C12orf54: variants seen among roughly 807,000 people sequenced by gnomAD.
The protein encoded by C12orf54 is chromosome 12 open reading frame 54, also known as uncharacterized protein C12orf54.
A neutral mutation model predicts 26.4 loss-of-function variants in C12orf54; 24 were observed. That is an observed-to-expected ratio of 0.91 (90% confidence interval 0.66 to 1.28). The LOEUF (loss-of-function observed/expected upper bound fraction) is 1.28, where lower values mean the gene tolerates loss of function less well. C12orf54 is among the 50% of genes most tolerant of loss of function. The probability of loss-of-function intolerance (pLI) is 0.00; values close to 1 mark genes in which losing one functional copy is unlikely to be tolerated. For synonymous variants in C12orf54, 54 were observed against 47.0 expected, an observed-to-expected ratio of 1.15 and a Z score of -0.61; for missense variants, 154 against 150.9, an observed-to-expected ratio of 1.02 and a Z score of -0.11.
At chr12:48,424,388 G>A in the C12orf54 span, among the ~76,000 whole-genome samples, 2 of 151,992 alleles carry the variant, frequency 1.3e-5, no homozygotes, top group Non-Finnish European at 2.9e-5. Context: ...TCTATGTTTT[G>A]GAAAATTTGG....
chr12:48,474,657 C>T, the C12orf54 span, among the ~76,000 whole-genome samples: 9 of 152,336 alleles, frequency 5.9e-5, no homozygotes, highest in South Asian at 2.1e-4. Context: ...CACAGCAGTC[C>T]GAGATCAAAC....
the C12orf54 span, among the ~76,000 whole-genome samples, chr12:48,428,534 T>G: frequency 4.6e-5 from 7 of 152,084 alleles, no homozygotes; most frequent in African/African-American, 1.7e-4. Flanking sequence ...AAGGCTACTA[T>G]GAACAACTTT....
the C12orf54 span, chr12:48,473,261 AGAG>A: frequency 3.7e-6 from 4 of 1,083,040 alleles, no homozygotes; most frequent in Middle Eastern, 2.0e-4. Context: ...AGGAACGTGA[AGAG>A]GAGGACGTGA....
At chr12:48,420,378 T>G in the C12orf54 span, among the ~76,000 whole-genome samples, 1 of 152,240 alleles carries the variant, frequency 6.6e-6, no homozygotes, top group Non-Finnish European at 1.5e-5. Context: ...GACAGGTTTC[T>G]TCCTGAATAT....
chr12:48,460,880 G>A, the C12orf54 span, among the ~76,000 whole-genome samples: 1 of 151,940 alleles, frequency 6.6e-6, no homozygotes, highest in Non-Finnish European at 1.5e-5. Context: ...AGGGAACAAA[G>A]AATAGCTAAG....
chr12:48,461,970 C>T, the C12orf54 span, among the ~76,000 whole-genome samples: 1 of 151,304 alleles, frequency 6.6e-6, no homozygotes, highest in Non-Finnish European at 1.5e-5. Context: ...TGATAAATCT[C>T]TAATTAGACT....
chr12:48,494,850 T>C lies in C12orf54; in HGVS notation c.295T>C (p.Phe99Leu). Residue 99 changes from phenylalanine (F) to leucine (L), a missense_variant, in exon 8 of 9, where the codon TTC becomes CTC. Coordinates refer to ENST00000548364, the MANE Select transcript of C12orf54 (RefSeq NM_152319.4). ...LMTPKLRRLQ[F>L]SSGEQPSGGR... The stretch of plus-strand genomic sequence containing the variant: ...GACCCCAAAGTTGAGAAGATTGCAG[T>C]TCAGCTCTGGAGAGCAGCCATCAGG... 6.2e-7 allele frequency: 1 copy of C among 1,613,750 alleles called. No homozygotes were observed. Among genetic ancestry groups the C allele is most frequent in the Non-Finnish European group, 8.5e-7 (1 of 1,179,648 alleles).
chr12:48,478,928 C>A (rs180835382), upstream of C12orf54, among the ~76,000 whole-genome samples: 3 of 152,318 alleles, frequency 2.0e-5, no homozygotes, highest in African/African-American at 7.2e-5. Context: ...GGACTGTGAA[C>A]TAGTTCAACC....
At chr12:48,489,019 T>C in intron 5 of C12orf54, 63 bp downstream of exon 5, 1 of 1,489,658 alleles carries the variant, frequency 6.7e-7, no homozygotes, top group Non-Finnish European at 9.3e-7. Flanking sequence ...TCCCATTTTT[T>C]TTCTTACCCT....
the C12orf54 span, among the ~76,000 whole-genome samples, chr12:48,450,209 T>C: frequency 2.6e-5 from 4 of 152,262 alleles, no homozygotes; most frequent in African/African-American, 9.6e-5. Flanking sequence ...TATATGTATA[T>C]GAACAACCTG....
At chr12:48,424,525 G>T in the C12orf54 span, among the ~76,000 whole-genome samples, 1 of 146,330 alleles carries the variant, frequency 6.8e-6, no homozygotes, top group Non-Finnish European at 1.5e-5. Flanking sequence ...TCACTAGAAT[G>T]GTTCAAATGA....
the C12orf54 span, among the ~76,000 whole-genome samples, chr12:48,446,749 T>C: frequency 1.3e-5 from 2 of 152,346 alleles, no homozygotes. Context: ...ATTATACATA[T>C]GCTGTTATTA....
chr12:48,446,325 G>C, the C12orf54 span, among the ~76,000 whole-genome samples: 18 of 152,162 alleles, frequency 1.2e-4, no homozygotes, highest in African/African-American at 4.3e-4. Context: ...CTCTTATGCT[G>C]TAACAACTCC....
chr12:48,464,223 T>C, the C12orf54 span, among the ~76,000 whole-genome samples: 1 of 151,864 alleles, frequency 6.6e-6, no homozygotes, highest in Admixed American at 6.6e-5. Context: ...ATTTCAGCAA[T>C]GTTTCAGAAT....
the C12orf54 span, among the ~76,000 whole-genome samples, chr12:48,446,903 C>T: frequency 6.6e-6 from 1 of 152,066 alleles, no homozygotes; most frequent in African/African-American, 2.4e-5. Flanking sequence ...ATAGACAAAG[C>T]AGAAGAAATT....
chr12:48,450,543 A>C, the C12orf54 span, among the ~76,000 whole-genome samples: 2 of 152,314 alleles, frequency 1.3e-5, no homozygotes, highest in South Asian at 2.1e-4. Context: ...CAATGAATCC[A>C]GGAGCTAGTT....
the C12orf54 span, among the ~76,000 whole-genome samples, chr12:48,458,531 G>A: frequency 5.9e-5 from 9 of 152,186 alleles, no homozygotes; most frequent in South Asian, 4.1e-4. Flanking sequence ...TCACCCAAAC[G>A]TTACTGTTAA....
rs1441463037 is a variant in C12orf54, at chr12:48,489,201, G to A, written c.168+245G>A. ...CAGAAAATTGTATCTGCTAGAACTT[G>A]TCTCAGCAAGAATACTCTATGTGGT... is the stretch of plus-strand genomic sequence containing the variant. On this transcript the variant is annotated intron_variant, in intron 5 of 8. Coordinates refer to ENST00000548364, the MANE Select transcript of C12orf54 (RefSeq NM_152319.4). 7.5e-6 allele frequency: 5 copies of A among 667,960 alleles called. No individual in the cohort carries two copies. The Admixed American group carries it at 1.0e-4, about 14-fold the overall frequency. The allele number at this position is 667,960 out of a possible 1,614,324, so 41.4% of individuals were successfully genotyped here.
chr12:48,479,162 C>T (rs930636607), upstream of C12orf54, among the ~76,000 whole-genome samples: 2 of 152,152 alleles, frequency 1.3e-5, no homozygotes, highest in Non-Finnish European at 2.9e-5. Flanking sequence ...CACATATGCA[C>T]CATGGAATAC....
Sources: gnomAD v4.1 joint callset for allele counts (sites outside exome capture counted in the v4.1 genomes callset) on GRCh38, gnomAD v4.1.1 for gene constraint, MANE v1.5 for transcripts, NCBI Gene and HGNC (gene_info 2026-07-23, HGNC 2026-07-21) for gene names.